PLCE1: variants seen among roughly 807,000 people sequenced by gnomAD.
PLCE1 encodes the protein 1-phosphatidylinositol 4,5-bisphosphate phosphodiesterase epsilon-1.
In PLCE1, 119 loss-of-function variants were observed where a neutral mutation model predicts 242.8. That is an observed-to-expected ratio of 0.49 (90% confidence interval 0.42 to 0.57). The LOEUF (loss-of-function observed/expected upper bound fraction) is 0.57, where lower values mean the gene tolerates loss of function less well. Among genes scored for constraint, PLCE1 ranks in the 20% least tolerant of loss-of-function variants. PLCE1 has a pLI of 0.00. For missense variants in PLCE1, 2,441 were observed against 2,788.8 expected (o/e 0.88, Z 2.81); for synonymous variants, 945 against 1,017.4 (o/e 0.93, Z 1.35).
intron 32 of PLCE1, among the ~76,000 whole-genome samples, chr10:94,326,069 GGTAA>G (rs756138562): frequency 2.0e-5 from 3 of 152,132 alleles, no homozygotes; most frequent in Admixed American, 6.6e-5. Flanking sequence ...GGGAACCAGT[GGTAA>G]GTCTCTCCTT....
intron 1 of PLCE1, among the ~76,000 whole-genome samples, chr10:94,010,033 G>T (rs1298475423): frequency 6.6e-6 from 1 of 152,228 alleles, no homozygotes; most frequent in East Asian, 1.9e-4. Flanking sequence ...TCCTAGTAGA[G>T]TCTCTTTATG....
chr10:94,208,957 T>G (rs2049251903), intron 4 of PLCE1, among the ~76,000 whole-genome samples: 1 of 152,218 alleles, frequency 6.6e-6, no homozygotes, highest in Non-Finnish European at 1.5e-5. Flanking sequence ...AGGGGTGGAA[T>G]GTAAATAAAT....
intron 29 of PLCE1, among the ~76,000 whole-genome samples, chr10:94,320,608 G>C (rs2053764025): frequency 6.6e-6 from 1 of 152,196 alleles, no homozygotes; most frequent in South Asian, 2.1e-4. Context: ...GGAGAGATGA[G>C]GCTAGAATTC....
At chr10:94,033,445 G>A (rs1467854322) in intron 2 of PLCE1, among the ~76,000 whole-genome samples, 3 of 152,024 alleles carry the variant, frequency 2.0e-5, no homozygotes, top group Non-Finnish European at 4.4e-5. Flanking sequence ...ACTGTAATAG[G>A]ATATGGAAAT....
intron 10 of PLCE1, 39 bp from the exon 11 acceptor site, chr10:94,254,854 T>A: frequency 6.2e-7 from 1 of 1,608,626 alleles, no homozygotes. Context: ...GAAAGTATAA[T>A]CTGAGTCATT....
chr10:94,051,983 A>T (rs1321138978), intron 2 of PLCE1, among the ~76,000 whole-genome samples: 1 of 152,226 alleles, frequency 6.6e-6, no homozygotes, highest in Non-Finnish European at 1.5e-5. Context: ...CTGGTTTCAC[A>T]CTTTCCTGTG....
In PLCE1 at chr10:94,329,328, A is replaced by ATCTT. The variant is rs1369861355; in HGVS notation, c.*1388_*1391dup. 6.6e-6 allele frequency: 1 copy of ATCTT among 152,212 alleles called. No homozygotes were observed. Among genetic ancestry groups the ATCTT allele is most frequent in the Non-Finnish European group, 1.5e-5 (1 of 68,022 alleles). The allele number at this position is 152,212 out of a possible 1,614,324, so 9.4% of individuals were successfully genotyped here. A position where few individuals can be genotyped will look rare whatever the true frequency, so the allele number is the denominator to read the frequency against. On this transcript the variant is annotated 3_prime_UTR_variant, in exon 33 of 33. Coordinates refer to ENST00000371380, the MANE Select transcript of PLCE1 (RefSeq NM_016341.4). ...GTATTCCTCTAAAACCCAAACTTTTATCTTTCCATTGGTATCTTTGAATTT... is the reference window on the plus strand; with the variant it reads ...GTATTCCTCTAAAACCCAAACTTTTATCTTTCTTTCCATTGGTATCTTTGAATTT...
chr10:94,269,186 C>T, intron 17 of PLCE1, 150 bp downstream of exon 17: 1 of 542,786 alleles, frequency 1.8e-6, no homozygotes, highest in Admixed American at 2.9e-5. Flanking sequence ...ACTGCAACCT[C>T]TGCCTCCGAG....
intron 8 of PLCE1, among the ~76,000 whole-genome samples, chr10:94,248,655 A>G (rs2050772563): frequency 6.9e-6 from 1 of 145,566 alleles, no homozygotes; most frequent in Non-Finnish European, 1.5e-5. Context: ...GGGAGCTTTC[A>G]GTGTACTCAG....
intron 3 of PLCE1, among the ~76,000 whole-genome samples, chr10:94,163,751 G>A (rs894527631): frequency 1.7e-4 from 26 of 152,122 alleles, no homozygotes; most frequent in East Asian, 3.8e-4. Flanking sequence ...CTTCCTAGCC[G>A]TGATGGTCTT....
At position 94,262,558 on chromosome 10, in the gene PLCE1, C is replaced by T. The variant is rs1484525881; in HGVS notation, c.3879C>T (p.Asp1293=). Residue 1293 remains aspartate, a synonymous_variant, in exon 14 of 33, where the codon GAC becomes GAT. Coordinates refer to ENST00000371380, the MANE Select transcript of PLCE1 (RefSeq NM_016341.4). Reference sequence around the variant, plus strand: ...TTAAGAGTAAACAGCAGCTATCGGACAACCAGAGGCAGATATCTGATGCCA... The same window carrying T: ...TTAAGAGTAAACAGCAGCTATCGGATAACCAGAGGCAGATATCTGATGCCA... ...LFIKSKQQLS[D]NQRQISDAIA... 1 of 1,614,056 alleles carries T rather than the reference C, an allele frequency of 6.2e-7. No homozygotes were observed. Among genetic ancestry groups the T allele is most frequent in the African/African-American group, 1.3e-5 (1 of 75,032 alleles).
At chr10:94,002,706 G>A (rs774480793) in intron 1 of PLCE1, among the ~76,000 whole-genome samples, 1 of 152,160 alleles carries the variant, frequency 6.6e-6, no homozygotes, top group Non-Finnish European at 1.5e-5. Context: ...GGCCCTCTTG[G>A]TTTTGGAGGA....
intron 2 of PLCE1, among the ~76,000 whole-genome samples, chr10:94,044,703 C>T (rs940253042): frequency 6.6e-6 from 1 of 152,234 alleles, no homozygotes; most frequent in African/African-American, 2.4e-5. Context: ...CTTCCACCTT[C>T]CTCGGCTAGA....
intron 2 of PLCE1, among the ~76,000 whole-genome samples, chr10:94,131,226 T>C (rs1247044625): frequency 2.0e-5 from 3 of 152,242 alleles, no homozygotes; most frequent in Admixed American, 6.5e-5. Context: ...CGTTTGTTTA[T>C]ACACTATCCA....
At chr10:94,189,551 G>A (rs761184037) in intron 4 of PLCE1, among the ~76,000 whole-genome samples, 1 of 152,154 alleles carries the variant, frequency 6.6e-6, no homozygotes, top group Non-Finnish European at 1.5e-5. Context: ...CATATTCTGG[G>A]CAGGATCATG....
Position 94,104,239 on chromosome 10 carries a change from C to A in PLCE1, c.1207-27935C>A, listed in dbSNP as rs183827905. On this transcript the variant is annotated intron_variant, in intron 2 of 32. Coordinates refer to ENST00000371380, the MANE Select transcript of PLCE1 (RefSeq NM_016341.4). ...ACAAATAGTAACGTCCTCTTCACAA[C>A]CCTATGAAGGGGAAAGTGAGGCAGA... The A allele has an allele frequency of 3.9e-5, 6 of 152,330 alleles. No homozygotes were observed. The East Asian group carries it at 9.6e-4, about 24-fold the overall frequency. 9.4% of individuals were successfully genotyped at this position (152,330 alleles called of 1,614,324 possible).
intron 4 of PLCE1, among the ~76,000 whole-genome samples, chr10:94,178,800 G>A (rs958499779): frequency 1.4e-4 from 22 of 152,204 alleles, no homozygotes; most frequent in African/African-American, 5.3e-4. Flanking sequence ...TTATAACGAT[G>A]TGAGGCAGTG....
At chr10:94,120,098 G>A (rs1233184835) in intron 2 of PLCE1, among the ~76,000 whole-genome samples, 1 of 152,070 alleles carries the variant, frequency 6.6e-6, no homozygotes, top group Non-Finnish European at 1.5e-5. Context: ...ACTAGGCTGG[G>A]CTTTCCTACT....
chr10:94,204,090 A>G (rs1046593902), intron 4 of PLCE1, among the ~76,000 whole-genome samples: 1 of 152,164 alleles, frequency 6.6e-6, no homozygotes, highest in African/African-American at 2.4e-5. Flanking sequence ...TTGGGGGAAG[A>G]TTTTTTTAAA....
Sources: allele counts gnomAD v4.1 joint callset (sites outside exome capture counted in the v4.1 genomes callset), GRCh38; gene constraint gnomAD v4.1.1; transcripts MANE v1.5; gene names NCBI Gene and HGNC (gene_info 2026-07-23, HGNC 2026-07-21).